Variants in TEX36 observed in about 807,000 individuals in gnomAD.
TEX36 encodes the protein testis-expressed protein 36.
A neutral mutation model predicts 13.6 loss-of-function variants in TEX36; 12 were observed. That is an observed-to-expected ratio of 0.88 (90% confidence interval 0.56 to 1.43). The LOEUF is 1.43. Ranked by LOEUF, TEX36 falls within the 40% of genes most tolerant of loss-of-function variation. The probability of loss-of-function intolerance (pLI) is 0.00; values close to 1 mark genes in which losing one functional copy is unlikely to be tolerated. For synonymous variants in TEX36, 93 were observed against 83.0 expected (o/e 1.12, Z -0.65); for missense variants, 224 against 228.3 (o/e 0.98, Z 0.12).
intron 3 of TEX36, among the ~76,000 whole-genome samples, chr10:125,647,493 G>A (rs983124460): frequency 9.9e-5 from 15 of 152,192 alleles, no homozygotes; most frequent in Non-Finnish European, 1.5e-5. Flanking sequence ...TATAAGCAAA[G>A]AGGAACAAAA....
intron 3 of TEX36, among the ~76,000 whole-genome samples, chr10:125,647,894 C>T (rs1018833261): frequency 1.3e-5 from 2 of 152,232 alleles, no homozygotes; most frequent in Non-Finnish European, 2.9e-5. Context: ...GCCCACAGAG[C>T]CTTGGTCACT....
In TEX36 at chr10:125,656,812, C is replaced by T. The variant is rs561030862; in HGVS notation, c.265-616G>A. Among the ~76,000 whole-genome samples the T allele has an allele frequency of 8.5e-5, 13 of 152,184 alleles. No individual in the cohort carries two copies. The East Asian group carries it at 1.2e-3, about 14-fold the overall frequency. On this transcript the variant is annotated intron_variant, in intron 3 of 3. Coordinates refer to ENST00000368821, the MANE Select transcript of TEX36 (RefSeq NM_001128202.3). The stretch of plus-strand genomic sequence containing the variant: ...CCAGAAACAGACTGTTAGCCAGCCT[C>T]AACCCTAGGGACCCAGGTAGGTTCC...
chr10:125,646,252 G>A lies in TEX36; in HGVS notation c.264+14769C>T, dbSNP rs7910617. Among the ~76,000 whole-genome samples the A allele has an allele frequency of 6.6e-5, 10 of 152,276 alleles. No homozygotes were observed. The South Asian group carries it at 8.3e-4, about 13-fold the overall frequency. On this transcript the variant is annotated intron_variant, in intron 3 of 3. Transcript: ENST00000526819. ...GAGCGGGGAGGATCACTTGAACCCC[G>A]GAGGTCAAGGTTGCAGTGAGACATG... is the stretch of plus-strand genomic sequence containing the variant.
intron 3 of TEX36, among the ~76,000 whole-genome samples, chr10:125,608,139 A>T (rs1464709200): frequency 6.6e-6 from 1 of 152,208 alleles, no homozygotes; most frequent in African/African-American, 2.4e-5. Context: ...CGGGGAAAAC[A>T]GTCACTAAAC....
chr10:125,635,973 A>C (rs994653458), intron 3 of TEX36, among the ~76,000 whole-genome samples: 1 of 152,014 alleles, frequency 6.6e-6, no homozygotes, highest in Admixed American at 6.6e-5. Flanking sequence ...TCCTGGGCTC[A>C]AGCAATCCTC....
Position 125,656,172 on chromosome 10 carries a change from G to A in TEX36, c.289C>T (p.Pro97Ser), listed in dbSNP as rs1846938388. The A allele has an allele frequency of 1.3e-6, 2 of 1,526,882 alleles. No homozygotes were observed. The highest frequency in any genetic ancestry group is 1.8e-6 in the Non-Finnish European group (2 of 1,137,404). The allele number at this position is 1,526,882 out of a possible 1,614,324, so 94.6% of individuals were successfully genotyped here. Residue 97 changes from proline (P) to serine (S), a missense_variant, in exon 4 of 4, where the codon CCA becomes TCA. Pro to Ser is a moderately conservative substitution (Grantham distance 74). Transcript: ENST00000368821. ...CTTGAAACATGTTGCCTCTTATCTG[G>A]AGAGATCTTCTTACGTCCCAGGCCC... ...DSGLGRKKIS[P>S]DKRQHVSRNF...
At chr10:125,648,178 A>C (rs1048154913) in intron 3 of TEX36, among the ~76,000 whole-genome samples, 14 of 152,218 alleles carry the variant, frequency 9.2e-5, no homozygotes, top group African/African-American at 3.4e-4. Flanking sequence ...ATGGGGTTTG[A>C]GATCTGAGAA....
At chr10:125,648,769 A>C (rs1262227050) in intron 3 of TEX36, among the ~76,000 whole-genome samples, 1 of 152,220 alleles carries the variant, frequency 6.6e-6, no homozygotes, top group African/African-American at 2.4e-5. Context: ...AAAAAAGATT[A>C]GATGAAAGGC....
chr10:125,656,186 C>G lies in TEX36; in HGVS notation c.275G>C (p.Arg92Pro). 1 of 1,497,380 alleles carries G rather than the reference C, an allele frequency of 6.7e-7. No individual in the cohort carries two copies. The highest frequency in any genetic ancestry group is 8.9e-7 in the Non-Finnish European group (1 of 1,123,772). The allele number at this position is 1,497,380 out of a possible 1,614,324, so 92.8% of individuals were successfully genotyped here. ...SGCYLDSGLG[R>P]KKISPDKRQH... ...CCTCTTATCTGGAGAGATCTTCTTA[C>G]GTCCCAGGCCCTGGAGAGAAGAATT... Residue 92 changes from arginine (R) to proline (P), a missense_variant, in exon 4 of 4, where the codon CGT (arginine) becomes CCT (proline). Physicochemically the swap from Arg to Pro is moderately radical, Grantham distance 103. Coordinates refer to ENST00000368821, the MANE Select transcript of TEX36 (RefSeq NM_001128202.3).
chr10:125,667,055 C>T (rs758461296), intron 1 of TEX36: 142 of 1,455,692 alleles, frequency 9.8e-5, no homozygotes, highest in Middle Eastern at 1.9e-4. Context: ...CTGCAGGGCT[C>T]GGCCATAGGA....
intron 1 of TEX36, among the ~76,000 whole-genome samples, chr10:125,680,788 A>G (rs1322287805): frequency 2.0e-5 from 3 of 152,254 alleles, no homozygotes; most frequent in African/African-American, 7.2e-5. Context: ...GATTTTTGCC[A>G]AAGGCCCAAG....
chr10:125,599,448 C>A (rs1203496056), intron 3 of TEX36, among the ~76,000 whole-genome samples: 1 of 152,192 alleles, frequency 6.6e-6, no homozygotes, highest in Non-Finnish European at 1.5e-5. Context: ...TCATTCCTTT[C>A]ATTTTCCACT....
chr10:125,634,997 G>A (rs1846605529), intron 3 of TEX36, among the ~76,000 whole-genome samples: 1 of 152,196 alleles, frequency 6.6e-6, no homozygotes, highest in Non-Finnish European at 1.5e-5. Context: ...GGCCAGGATG[G>A]AATGATGAGG....
At chr10:125,646,561 A>T (rs1846771427) in intron 3 of TEX36, among the ~76,000 whole-genome samples, 1 of 152,214 alleles carries the variant, frequency 6.6e-6, no homozygotes, top group South Asian at 2.1e-4. Context: ...GGAATTAGTA[A>T]ACATGAAAGC....
At chr10:125,619,702 G>A (rs748423677), downstream of TEX36, among the ~76,000 whole-genome samples, 8 of 151,602 alleles carry the variant, frequency 5.3e-5, no homozygotes, top group South Asian at 2.1e-4. Context: ...GATTACAGGC[G>A]CACACCACCA....
At chr10:125,609,771 G>C (rs775520623) in intron 3 of TEX36, among the ~76,000 whole-genome samples, 3 of 152,164 alleles carry the variant, frequency 2.0e-5, no homozygotes, top group Non-Finnish European at 4.4e-5. Context: ...CATGTTTATT[G>C]ATCATTTGGT....
intron 3 of TEX36, among the ~76,000 whole-genome samples, chr10:125,579,958 C>T (rs79209067): frequency 0.012 from 1,772 of 152,202 alleles, 44 homozygotes; most frequent in African/African-American, 0.04. Flanking sequence ...ACAGTCTCCC[C>T]AGTTTGAAGT....
chr10:125,619,488 C>T (rs1338193377), downstream of TEX36, among the ~76,000 whole-genome samples: 2 of 152,080 alleles, frequency 1.3e-5, no homozygotes, highest in Non-Finnish European at 2.9e-5. Context: ...ACGGACTATG[C>T]CTCATCATTT....
At chr10:125,614,935 G>C (rs921046191) in intron 3 of TEX36, among the ~76,000 whole-genome samples, 30 of 152,142 alleles carry the variant, frequency 2.0e-4, no homozygotes, top group African/African-American at 7.0e-4. Flanking sequence ...TCTTCCATTT[G>C]TTTGTATCCT....
Sources: gnomAD v4.1 joint callset for allele counts (sites outside exome capture counted in the v4.1 genomes callset) on GRCh38, gnomAD v4.1.1 for gene constraint, MANE v1.5 for transcripts, NCBI Gene and HGNC (gene_info 2026-07-23, HGNC 2026-07-21) for gene names.